The following WWOX variants were observed in gnomAD, a reference collection of about 807,000 sequenced individuals.
WWOX encodes the protein WW domain-containing oxidoreductase.
A neutral mutation model predicts 46.2 loss-of-function variants in WWOX; 69 were observed. The observed-to-expected ratio is 1.49, with a 90% CI of 1.23 to 1.82. The LOEUF (loss-of-function observed/expected upper bound fraction) is 1.82. Ranked by LOEUF, WWOX falls within the 40% of genes most tolerant of loss-of-function variation. WWOX has a pLI of 0.00. For missense variants in WWOX, 919 were observed against 542.6 expected, an observed-to-expected ratio of 1.69 and a Z score of -6.89; for synonymous variants, 359 against 202.6, an observed-to-expected ratio of 1.77 and a Z score of -6.56.
chr16:78,830,565 C>G (rs1357707803), intron 8 of WWOX, among the ~76,000 whole-genome samples: 1 of 152,050 alleles, frequency 6.6e-6, no homozygotes, highest in African/African-American at 2.4e-5. Context: ...CATCTTCTTT[C>G]ACCTCTAGGA....
At chr16:78,491,313 G>C (rs1410467230) in intron 8 of WWOX, among the ~76,000 whole-genome samples, 4 of 152,194 alleles carry the variant, frequency 2.6e-5, no homozygotes, top group Admixed American at 1.3e-4. Context: ...CCCTGGATGA[G>C]ACGCCCCTTG....
chr16:78,173,731 A>T (rs981522216), intron 5 of WWOX, among the ~76,000 whole-genome samples: 19 of 152,322 alleles, frequency 1.2e-4, no homozygotes, highest in African/African-American at 4.6e-4. Context: ...TCTGTAAAAT[A>T]TACTCATAAA....
intron 8 of WWOX, among the ~76,000 whole-genome samples, chr16:78,477,799 C>G (rs755715487): frequency 6.6e-6 from 1 of 152,010 alleles, no homozygotes; most frequent in Non-Finnish European, 1.5e-5. Flanking sequence ...GAATTCAAGT[C>G]AAACACATTA....
chr16:78,749,199 A>G (rs1236770379), intron 8 of WWOX, among the ~76,000 whole-genome samples: 1 of 152,172 alleles, frequency 6.6e-6, no homozygotes. Flanking sequence ...CCTGTGTGCC[A>G]TGCATCACAC....
chr16:78,685,485 G>A (rs1483571613), intron 8 of WWOX, among the ~76,000 whole-genome samples: 3 of 152,198 alleles, frequency 2.0e-5, no homozygotes, highest in Non-Finnish European at 4.4e-5. Context: ...TGGGAGTTAA[G>A]TGCATTTTAA....
chr16:79,091,782 T>G (rs373820855), intron 8 of WWOX, among the ~76,000 whole-genome samples: 1 of 140,776 alleles, frequency 7.1e-6, no homozygotes, highest in African/African-American at 2.6e-5. Flanking sequence ...TTTCTTTGTT[T>G]TTTTTTTTTT....
chr16:78,314,494 C>G (rs1369894862), intron 5 of WWOX, among the ~76,000 whole-genome samples: 1 of 149,486 alleles, frequency 6.7e-6, no homozygotes, highest in Non-Finnish European at 1.5e-5. Context: ...ACCACCAAGT[C>G]CACCTCTATC....
At chr16:78,195,361 C>T (rs1287959580) in intron 5 of WWOX, among the ~76,000 whole-genome samples, 2 of 152,128 alleles carry the variant, frequency 1.3e-5, no homozygotes. Context: ...CTTTTCATCC[C>T]TGGGACCCAG....
chr16:78,341,245 A>AC (rs147714450), intron 5 of WWOX, among the ~76,000 whole-genome samples: 26,546 of 115,220 alleles, frequency 0.23, 8,411 homozygotes, highest in African/African-American at 0.39. Flanking sequence ...GGCTCAAGTT[A>AC]CCTCTCACCT....
intron 4 of WWOX, among the ~76,000 whole-genome samples, chr16:78,116,225 A>G (rs918369897): frequency 1.3e-5 from 2 of 152,200 alleles, no homozygotes; most frequent in African/African-American, 4.8e-5. Context: ...TTGTTGTGCT[A>G]TCAAATAGTA....
At chr16:78,380,053 T>A (rs567905461) in intron 5 of WWOX, among the ~76,000 whole-genome samples, 38 of 152,192 alleles carry the variant, frequency 2.5e-4, no homozygotes, top group Non-Finnish European at 5.1e-4. Context: ...CATGGTGTAT[T>A]GAAGGTGTCT....
intron 8 of WWOX, among the ~76,000 whole-genome samples, chr16:78,930,073 C>T (rs1029698650): frequency 1.3e-5 from 2 of 152,060 alleles, no homozygotes; most frequent in Non-Finnish European, 2.9e-5. Flanking sequence ...AGCATAGCTT[C>T]TTGCCTTCTT....
chr16:78,327,285 T>A (rs1402877151), intron 5 of WWOX, among the ~76,000 whole-genome samples: 1 of 152,160 alleles, frequency 6.6e-6, no homozygotes, highest in African/African-American at 2.4e-5. Flanking sequence ...GCTGGCTTGA[T>A]TTCTTTGCAC....
chr16:79,084,989 A>G (rs1389452028), intron 8 of WWOX, among the ~76,000 whole-genome samples: 1 of 150,994 alleles, frequency 6.6e-6, no homozygotes, highest in Non-Finnish European at 1.5e-5. Context: ...GCAGTGGCAC[A>G]ATTATAGCTC....
intron 8 of WWOX, among the ~76,000 whole-genome samples, chr16:79,065,210 G>A (rs995974011): frequency 3.3e-5 from 5 of 152,136 alleles, no homozygotes; most frequent in African/African-American, 1.2e-4. Context: ...TTGCTCAATG[G>A]GTTCTTCTTG....
intron 8 of WWOX, chr16:79,204,685 A>G (rs1002300819): frequency 1.3e-5 from 2 of 152,242 alleles, no homozygotes; most frequent in Non-Finnish European, 2.9e-5. Context: ...CTGCCCTTCA[A>G]TCCTGCTGAT....
At chr16:78,634,503 C>G (rs531519810) in intron 8 of WWOX, among the ~76,000 whole-genome samples, 17 of 151,838 alleles carry the variant, frequency 1.1e-4, no homozygotes, top group African/African-American at 3.4e-4. Flanking sequence ...GTCAGGAGTT[C>G]GAGACCAGCC....
intron 8 of WWOX, among the ~76,000 whole-genome samples, chr16:78,933,013 C>T (rs2045657663): frequency 6.6e-6 from 1 of 152,204 alleles, no homozygotes; most frequent in Non-Finnish European, 1.5e-5. Context: ...ATTAGACTCA[C>T]CCAGACTCTG....
intron 8 of WWOX, among the ~76,000 whole-genome samples, chr16:78,741,646 G>C (rs1415464583): frequency 6.6e-6 from 1 of 152,266 alleles, no homozygotes; most frequent in East Asian, 1.9e-4. Flanking sequence ...CTTGAGGTCA[G>C]GAGTTCAAGA....
Sources: gnomAD v4.1 joint callset for allele counts (sites outside exome capture counted in the v4.1 genomes callset) on GRCh38, gnomAD v4.1.1 for gene constraint, MANE v1.5 for transcripts, NCBI Gene and HGNC (gene_info 2026-07-23, HGNC 2026-07-21) for gene names.